The following GAPVD1 variants were observed in gnomAD, a reference collection of about 807,000 sequenced individuals.
GAPVD1 encodes the protein GTPase activating protein and VPS9 domains 1.
In GAPVD1, 35 loss-of-function variants were observed where a neutral mutation model predicts 155.5. That is an observed-to-expected ratio of 0.23 (90% CI 0.17 to 0.30). The LOEUF is 0.30. GAPVD1 is among the 10% of genes least tolerant of loss of function. GAPVD1 has a pLI of 1.00. For missense variants in GAPVD1, 1,429 were observed against 1,775.7 expected (o/e 0.80, Z 3.51); for synonymous variants, 636 against 619.7 (o/e 1.03, Z -0.39).
chr9:125,307,996 A>G lies in GAPVD1; in HGVS notation c.1441+116A>G, dbSNP rs1330982432. 2.2e-5 allele frequency: 16 copies of G among 712,390 alleles called. No individual in the cohort carries two copies. In the Middle Eastern group the frequency reaches 1.1e-3, roughly 48 times the overall value. 44.1% of individuals were successfully genotyped at this position (712,390 alleles called of 1,614,324 possible). On this transcript the variant is annotated intron_variant, in intron 8 of 27. Coordinates refer to ENST00000297933, the MANE Select transcript of GAPVD1 (RefSeq NM_001282680.3). ...AGTACTTGGGAAAGTCTTTCTCTTC[A>G]TGTTTACTGATGGTATTTCAGTTTT...
chr9:125,293,849 ATTT>A (rs1316062463), intron 2 of GAPVD1, among the ~76,000 whole-genome samples: 10 of 48,508 alleles, frequency 2.1e-4, no homozygotes, highest in Admixed American at 3.4e-4. Context: ...ATAAAAATAT[ATTT>A]TATATATATA....
At chr9:125,298,034 C>A (rs1413432063) in intron 3 of GAPVD1, among the ~76,000 whole-genome samples, 1 of 152,158 alleles carries the variant, frequency 6.6e-6, no homozygotes, top group Non-Finnish European at 1.5e-5. Flanking sequence ...GCGTGAGCCA[C>A]CGCGCCCGGC....
rs778729062 is a variant in GAPVD1, at chr9:125,349,392, G to C, written c.3172G>C (p.Val1058Leu). The change falls in exon 21 of 28, where the codon GTT (valine) becomes CTT (leucine). Residue 1058 changes from valine (V) to leucine (L), a missense_variant and splice_region_variant. Physicochemically the swap from Val to Leu is conservative, Grantham distance 32. Transcript: ENST00000297933. Reference protein sequence around the residue: ...GAMANYESTEVMGDGESAHDS... With the variant: ...GAMANYESTELMGDGESAHDS... ...TCTTGGGGGTGGGTTTTGTTTAGAG[G>C]TTATGGGTGATGGTGAAAGTGCACA... The C allele has an allele frequency of 5.0e-6, 8 of 1,613,716 alleles. No homozygotes were observed. The highest frequency in any genetic ancestry group is 1.7e-4 in the Middle Eastern group (1 of 6,060).
At chr9:125,289,225 G>A (rs765041027) in intron 2 of GAPVD1, among the ~76,000 whole-genome samples, 1 of 152,142 alleles carries the variant, frequency 6.6e-6, no homozygotes, top group East Asian at 1.9e-4. Context: ...AGGTGGTGAG[G>A]AGCAGATAAT....
At chr9:125,272,864 T>A (rs906254383) in intron 2 of GAPVD1, among the ~76,000 whole-genome samples, 4 of 152,210 alleles carry the variant, frequency 2.6e-5, no homozygotes, top group Non-Finnish European at 5.9e-5. Flanking sequence ...CTCTTGGATC[T>A]TGAAACAGGC....
intron 19 of GAPVD1, among the ~76,000 whole-genome samples, chr9:125,342,883 T>A (rs1848012090): frequency 6.6e-6 from 1 of 152,194 alleles, no homozygotes; most frequent in South Asian, 2.1e-4. Context: ...ATTTTAACAT[T>A]GCCATCTGAC....
chr9:125,347,058 A>G, intron 20 of GAPVD1, 117 bp downstream of exon 20: 1 of 933,566 alleles, frequency 1.1e-6, no homozygotes, highest in Non-Finnish European at 1.6e-6. Flanking sequence ...TTACTACCTC[A>G]AAATTACAGA....
chr9:125,321,511 A>G lies in GAPVD1; in HGVS notation c.1681A>G (p.Lys561Glu), dbSNP rs201789861. 6.2e-7 allele frequency: 1 copy of G among 1,613,604 alleles called. No homozygotes were observed. The highest frequency in any genetic ancestry group is 1.3e-5 in the African/African-American group (1 of 75,066). ...AAACAAACTCCATGGTAAACCTGAT[A>G]AAACCTTGCGCTTTTCCCTCTGCAG... is the stretch of plus-strand genomic sequence containing the variant. ...DENKLHGKPD[K>E]TLRFSLCSDN... The change falls in exon 10 of 28, where the codon AAA (lysine) becomes GAA (glutamate). Residue 561 changes from lysine (K) to glutamate (E), a missense_variant. By Grantham distance (56) the Lys-to-Glu change is moderately conservative. Coordinates refer to ENST00000297933, the MANE Select transcript of GAPVD1 (RefSeq NM_001282680.3).
intron 11 of GAPVD1, 57 bp from the exon 12 acceptor site, chr9:125,326,359 A>G: frequency 2.5e-6 from 3 of 1,221,538 alleles, no homozygotes; most frequent in Non-Finnish European, 3.6e-6. Context: ...TTTAAAGTTG[A>G]TTAAAAAGTC....
At chr9:125,286,298 TTTTC>T (rs149218572) in intron 2 of GAPVD1, among the ~76,000 whole-genome samples, 6,831 of 151,988 alleles carry the variant, frequency 0.045, 465 homozygotes, top group African/African-American at 0.15. Flanking sequence ...ATTGTTGTTG[TTTTC>T]TTTGTTTTTT....
Position 125,302,130 on chromosome 9 carries a change from C to G in GAPVD1, c.333C>G (p.Ala111=). 6.2e-7 allele frequency: 1 copy of G among 1,613,976 alleles called. No individual in the cohort carries two copies. The change falls in exon 5 of 28, where the codon GCC becomes GCG. Residue 111 remains alanine, a synonymous_variant. Transcript: ENST00000297933. ...SRLRENPRLI[A]SSLVAGEKLN... Reference sequence around the variant, plus strand: ...TGAGGGAAAATCCTCGTCTTATTGCCTCCTCTTTGGTTGCTGGAGAGAAAC... The same window carrying G: ...TGAGGGAAAATCCTCGTCTTATTGCGTCCTCTTTGGTTGCTGGAGAGAAAC...
intron 2 of GAPVD1, among the ~76,000 whole-genome samples, chr9:125,279,596 C>T (rs1267113093): frequency 1.4e-5 from 2 of 146,286 alleles, no homozygotes; most frequent in Non-Finnish European, 1.5e-5. Context: ...AATTAAAAAT[C>T]AAAAATAAAA....
At chr9:125,339,886 C>T (rs1387659197) in intron 17 of GAPVD1, among the ~76,000 whole-genome samples, 1 of 152,124 alleles carries the variant, frequency 6.6e-6, no homozygotes, top group Admixed American at 6.5e-5. Context: ...GCACAGATGC[C>T]CTCATCTCTC....
At chr9:125,330,590 T>TA (rs1367952491) in intron 13 of GAPVD1, among the ~76,000 whole-genome samples, 1 of 152,198 alleles carries the variant, frequency 6.6e-6, no homozygotes, top group Admixed American at 6.5e-5. Context: ...GTGCTGGAAT[T>TA]ACAGGCATGA....
At chr9:125,346,650 G>T in intron 19 of GAPVD1, 169 bp from the exon 20 acceptor site, 1 of 671,394 alleles carries the variant, frequency 1.5e-6, no homozygotes, top group East Asian at 2.7e-5. Flanking sequence ...CTCAGACCTA[G>T]AAATGGGATG....
intron 2 of GAPVD1, among the ~76,000 whole-genome samples, chr9:125,284,180 C>CTTTTT (rs34335675): frequency 1.1e-5 from 1 of 92,636 alleles, no homozygotes; most frequent in Non-Finnish European, 2.0e-5. Flanking sequence ...CCCGCCAGAA[C>CTTTTT]TTTTTTTTTT....
intron 11 of GAPVD1, among the ~76,000 whole-genome samples, chr9:125,324,754 G>A (rs574825645): frequency 6.6e-6 from 1 of 152,264 alleles, no homozygotes; most frequent in East Asian, 1.9e-4. Flanking sequence ...GTATCAGTTA[G>A]GGAAATGGAG....
chr9:125,318,897 C>T (rs1002127605), intron 9 of GAPVD1, among the ~76,000 whole-genome samples: 2 of 151,768 alleles, frequency 1.3e-5, no homozygotes, highest in Non-Finnish European at 2.9e-5. Flanking sequence ...ATAAATAGGC[C>T]AGGCGCAGTG....
At chr9:125,273,231 A>T (rs1036116805) in intron 2 of GAPVD1, among the ~76,000 whole-genome samples, 6 of 152,120 alleles carry the variant, frequency 3.9e-5, no homozygotes, top group Admixed American at 3.9e-4. Flanking sequence ...CCATTTCTAG[A>T]TTGGTTGGAT....
Sources: allele counts gnomAD v4.1 joint callset (sites outside exome capture counted in the v4.1 genomes callset), GRCh38; gene constraint gnomAD v4.1.1; transcripts MANE v1.5; gene names NCBI Gene and HGNC (gene_info 2026-07-23, HGNC 2026-07-21).